The following SVIL variants were observed in gnomAD, a reference collection of about 807,000 sequenced individuals.
SVIL encodes the protein archvillin.
A neutral mutation model predicts 240.4 loss-of-function variants in SVIL; 101 were observed. That is an observed-to-expected ratio of 0.42 (90% CI 0.36 to 0.50). The LOEUF (loss-of-function observed/expected upper bound fraction) is 0.50. Ranked by LOEUF, SVIL falls within the 20% of genes least tolerant of loss-of-function variation. SVIL has a pLI of 0.01. For synonymous variants in SVIL, 999 were observed against 1,100.0 expected, an observed-to-expected ratio of 0.91 and a Z score of 1.82; for missense variants, 2,512 against 2,818.7, an observed-to-expected ratio of 0.89 and a Z score of 2.46.
At chr10:29,626,506 A>G (rs1957876148) in intron 1 of SVIL, among the ~76,000 whole-genome samples, 1 of 152,244 alleles carries the variant, frequency 6.6e-6, no homozygotes, top group Non-Finnish European at 1.5e-5. Context: ...GGGAAACGAA[A>G]GCCAAGCACA....
intron 1 of SVIL, among the ~76,000 whole-genome samples, chr10:29,612,219 G>A (rs557689439): frequency 2.6e-5 from 4 of 152,290 alleles, no homozygotes; most frequent in Non-Finnish European, 5.9e-5. Flanking sequence ...GGAATAGGAG[G>A]AGCATGGACA....
intron 3 of SVIL, among the ~76,000 whole-genome samples, chr10:29,648,668 C>A (rs565431153): frequency 6.0e-4 from 92 of 152,306 alleles, no homozygotes; most frequent in African/African-American, 2.1e-3. Context: ...TGCCCTTTAG[C>A]ACGGCCCTGT....
At chr10:29,690,494 T>A (rs1476377800) in intron 1 of SVIL, among the ~76,000 whole-genome samples, 1 of 152,178 alleles carries the variant, frequency 6.6e-6, no homozygotes, top group African/African-American at 2.4e-5. Context: ...AGGCTATTTA[T>A]ATCATTTAGA....
intron 1 of SVIL, among the ~76,000 whole-genome samples, chr10:29,691,310 C>T (rs1378547243): frequency 6.6e-6 from 1 of 151,292 alleles, no homozygotes; most frequent in Non-Finnish European, 1.5e-5. Context: ...CTCCCAGGTT[C>T]ACGCCATTCT....
Position 29,481,643 on chromosome 10 carries a change from C to A in SVIL, c.5041G>T (p.Asp1681Tyr). The change falls in exon 28 of 38, where the codon GAT (aspartate) becomes TAT (tyrosine). Residue 1681 changes from aspartate to tyrosine, a missense_variant. This residue lies in a region of SVIL where 797 missense variants were observed against 925.3 expected (regional missense o/e 0.86). Transcript: ENST00000355867. ...ETILFKEKFLDWTELKRSNEK... is the reference protein window; with the variant it reads ...ETILFKEKFLYWTELKRSNEK... ...TTCGATCTCTTCAGTTCCGTCCAAT[C>A]CAGAAACTTCTCTTTGAACAAAATC... The A allele has an allele frequency of 1.2e-6, 2 of 1,614,176 alleles. No homozygotes were observed. Among genetic ancestry groups the A allele is most frequent in the Non-Finnish European group, 1.7e-6 (2 of 1,180,046 alleles).
chr10:29,495,304 C>G, intron 18 of SVIL, 123 bp from the exon 19 acceptor site: 1 of 586,324 alleles, frequency 1.7e-6, no homozygotes, highest in Non-Finnish European at 3.0e-6. Flanking sequence ...TACACACATG[C>G]AGGCACACAC....
Position 29,669,112 on chromosome 10 carries a change from C to A in SVIL, c.-300-11044G>T, listed in dbSNP as rs554822619. The stretch of plus-strand genomic sequence containing the variant: ...GAGACTGAATGTCAGCTGATAAGAG[C>A]AGGGAAGGGGAAGTAGATTAAGAGG... On this transcript the variant is annotated intron_variant, in intron 2 of 35. Transcript: ENST00000375400. Among the ~76,000 whole-genome samples, 29 of 152,182 alleles carry A rather than the reference C, an allele frequency of 1.9e-4. No individual in the cohort carries two copies. In the South Asian group the frequency reaches 6.0e-3, roughly 32 times the overall value.
intron 16 of SVIL, among the ~76,000 whole-genome samples, chr10:29,516,251 T>C (rs182841284): frequency 1.5e-3 from 233 of 152,302 alleles, no homozygotes; most frequent in African/African-American, 5.2e-3. Context: ...AGGGTTACCA[T>C]TGGGGACTTC....
intron 2 of SVIL, among the ~76,000 whole-genome samples, chr10:29,659,541 C>T (rs1317931964): frequency 6.6e-6 from 1 of 152,170 alleles, no homozygotes; most frequent in Non-Finnish European, 1.5e-5. Context: ...TGTCAGAAGC[C>T]TGGTTTATCC....
intron 6 of SVIL, among the ~76,000 whole-genome samples, chr10:29,546,753 C>T (rs1056172408): frequency 2.6e-5 from 4 of 152,066 alleles, no homozygotes; most frequent in African/African-American, 9.7e-5. Flanking sequence ...TGAGTGTCAT[C>T]GTATTCGTAT....
Position 29,522,396 on chromosome 10 carries a change from C to T in SVIL, c.3389+14G>A, listed in dbSNP as rs1362384961. 2.5e-6 allele frequency: 4 copies of T among 1,613,566 alleles called. No homozygotes were observed. The highest frequency in any genetic ancestry group is 3.4e-6 in the Non-Finnish European group (4 of 1,179,764). ...CCCCGAGAGAATTACTTTTCGCTCACCGAATCTCATTACCTTTCTTTAATA... is the reference window on the plus strand; with the variant it reads ...CCCCGAGAGAATTACTTTTCGCTCATCGAATCTCATTACCTTTCTTTAATA... On this transcript the variant is annotated intron_variant, in intron 16 of 37. Coordinates refer to ENST00000355867, the MANE Select transcript of SVIL (RefSeq NM_021738.3).
intron 3 of SVIL, among the ~76,000 whole-genome samples, chr10:29,640,823 T>C (rs1958459215): frequency 1.3e-5 from 2 of 152,000 alleles, no homozygotes; most frequent in South Asian, 4.1e-4. Context: ...GCCTCCAAAC[T>C]TCACTTCCAC....
chr10:29,660,954 G>A (rs1959142070), intron 2 of SVIL, among the ~76,000 whole-genome samples: 1 of 152,050 alleles, frequency 6.6e-6, no homozygotes, highest in Non-Finnish European at 1.5e-5. Flanking sequence ...GGATCATGAG[G>A]TCAAGAGATC....
rs192147351 is a variant in SVIL at position 29,518,847 on chromosome 10, C to T, written c.3389+3563G>A. Among the ~76,000 whole-genome samples the T allele has an allele frequency of 5.5e-3, 840 of 152,288 alleles. 6 individuals are homozygous for T. The highest frequency in any genetic ancestry group is 0.02 in the African/African-American group (816 of 41,554). On this transcript the variant is annotated intron_variant, in intron 16 of 37. Transcript: ENST00000355867. ...CTCCAGCCTGGGTGACAGAGCGAGA[C>T]TCCATCTCAAAAAACAAACAAACAG...
chr10:29,479,241 G>A (rs1277762716), intron 29 of SVIL, among the ~76,000 whole-genome samples: 3 of 152,140 alleles, frequency 2.0e-5, no homozygotes, highest in Admixed American at 2.0e-4. Flanking sequence ...CTCTCTGCCC[G>A]CAGAGCGGTT....
At chr10:29,527,421 T>C (rs1422663709) in intron 12 of SVIL, among the ~76,000 whole-genome samples, 1 of 152,044 alleles carries the variant, frequency 6.6e-6, no homozygotes, top group Non-Finnish European at 1.5e-5. Context: ...TCCAATCTAA[T>C]TTTTTTCTTT....
intron 1 of SVIL, among the ~76,000 whole-genome samples, chr10:29,723,299 G>C (rs1367685103): frequency 3.3e-5 from 5 of 152,236 alleles, no homozygotes; most frequent in Non-Finnish European, 7.3e-5. Context: ...AGGATTACTT[G>C]AGCCCAGGAG....
intron 1 of SVIL, among the ~76,000 whole-genome samples, chr10:29,709,977 C>T (rs1963165925): frequency 6.6e-6 from 1 of 152,066 alleles, no homozygotes; most frequent in Non-Finnish European, 1.5e-5. Flanking sequence ...TGGGGGTGCG[C>T]GAGAGGCAGC....
At chr10:29,579,011 A>C (rs574027384) in intron 1 of SVIL, among the ~76,000 whole-genome samples, 1 of 152,318 alleles carries the variant, frequency 6.6e-6, no homozygotes, top group Admixed American at 6.5e-5. Context: ...TTCGCTGGGG[A>C]AACTGGAAGT....
Sources: gnomAD v4.1 joint callset for allele counts (sites outside exome capture counted in the v4.1 genomes callset) on GRCh38, gnomAD v4.1.1 for gene constraint, gnomAD v4.1.1 regional missense constraint, MANE v1.5 for transcripts, NCBI Gene and HGNC (gene_info 2026-07-23, HGNC 2026-07-21) for gene names.